CACNA2D3: variants seen among roughly 807,000 people sequenced by gnomAD.
The protein encoded by CACNA2D3 is calcium voltage-gated channel auxiliary subunit alpha2delta 3.
A neutral mutation model predicts 160.6 loss-of-function variants in CACNA2D3; 60 were observed. The ratio of observed to expected loss-of-function variants is 0.37; its 90% confidence interval spans 0.30 to 0.46. CACNA2D3 has a LOEUF of 0.46. CACNA2D3 is among the 20% of genes least tolerant of loss of function. The pLI is 1.00. For missense variants in CACNA2D3, 1,205 were observed against 1,365.0 expected (o/e 0.88, Z 1.85); for synonymous variants, 558 against 492.9 (o/e 1.13, Z -1.75).
intron 5 of CACNA2D3, among the ~76,000 whole-genome samples, chr3:54,528,956 C>T (rs961314190): frequency 6.6e-6 from 1 of 152,166 alleles, no homozygotes; most frequent in Non-Finnish European, 1.5e-5. Context: ...TTGCCTGTGT[C>T]AGGGAGAGCA....
At chr3:54,166,133 A>T (rs1700450399) in intron 2 of CACNA2D3, among the ~76,000 whole-genome samples, 1 of 152,168 alleles carries the variant, frequency 6.6e-6, no homozygotes, top group African/African-American at 2.4e-5. Context: ...CTTCACCGTG[A>T]CTATCCATGT....
chr3:54,824,747 C>T (rs1239115985), intron 14 of CACNA2D3, among the ~76,000 whole-genome samples: 1 of 152,168 alleles, frequency 6.6e-6, no homozygotes, highest in Non-Finnish European at 1.5e-5. Flanking sequence ...GCAGCACCTG[C>T]TCAGGGCCCA....
intron 2 of CACNA2D3, among the ~76,000 whole-genome samples, chr3:54,164,361 A>G (rs1700409346): frequency 6.6e-6 from 1 of 152,168 alleles, no homozygotes; most frequent in Non-Finnish European, 1.5e-5. Context: ...CTGCCGCAGG[A>G]TGGGACCAAC....
chr3:54,232,039 A>G (rs1701778611), intron 2 of CACNA2D3, among the ~76,000 whole-genome samples: 1 of 152,230 alleles, frequency 6.6e-6, no homozygotes, highest in African/African-American at 2.4e-5. Context: ...TTTCACAGGA[A>G]TGACCTCCTC....
At chr3:55,063,742 G>C (rs1704569243) in intron 35 of CACNA2D3, among the ~76,000 whole-genome samples, 1 of 152,120 alleles carries the variant, frequency 6.6e-6, no homozygotes, top group Non-Finnish European at 1.5e-5. Context: ...GATGACAGGG[G>C]CTGTGGAAAG....
At chr3:54,926,079 A>G in intron 27 of CACNA2D3, among the ~76,000 whole-genome samples, 1 of 152,266 alleles carries the variant, frequency 6.6e-6, no homozygotes, top group African/African-American at 2.4e-5. Flanking sequence ...AGTTGAACTT[A>G]CTTTGATTCA....
intron 5 of CACNA2D3, among the ~76,000 whole-genome samples, chr3:54,535,483 C>T (rs1701875449): frequency 6.6e-6 from 1 of 152,074 alleles, no homozygotes; most frequent in Non-Finnish European, 1.5e-5. Flanking sequence ...TAACAATGTT[C>T]ATGTGTCAGT....
chr3:54,494,965 C>T (rs1701180619), intron 4 of CACNA2D3, among the ~76,000 whole-genome samples: 1 of 152,174 alleles, frequency 6.6e-6, no homozygotes, highest in Admixed American at 6.5e-5. Context: ...TCAGGTCCCT[C>T]CCTCGACACC....
chr3:54,132,972 A>G (rs931422287), intron 2 of CACNA2D3, among the ~76,000 whole-genome samples: 2 of 152,190 alleles, frequency 1.3e-5, no homozygotes, highest in African/African-American at 4.8e-5. Flanking sequence ...TGGGAAGTGT[A>G]TAGAAAAGGT....
At chr3:54,729,137 T>C (rs1701334409) in intron 11 of CACNA2D3, among the ~76,000 whole-genome samples, 1 of 152,120 alleles carries the variant, frequency 6.6e-6, no homozygotes, top group Non-Finnish European at 1.5e-5. Flanking sequence ...TTCCCTATGA[T>C]CTCTAACTCC....
At chr3:54,749,073 T>A (rs1701809572) in intron 11 of CACNA2D3, among the ~76,000 whole-genome samples, 1 of 152,246 alleles carries the variant, frequency 6.6e-6, no homozygotes, top group Non-Finnish European at 1.5e-5. Context: ...AACAGAATTG[T>A]TCAGGAAGTA....
intron 17 of CACNA2D3, among the ~76,000 whole-genome samples, chr3:54,862,933 C>T (rs764168860): frequency 4.6e-5 from 7 of 152,168 alleles, no homozygotes; most frequent in Admixed American, 6.5e-5. Context: ...ATATTCAAAA[C>T]GGTCTGACGG....
intron 5 of CACNA2D3, among the ~76,000 whole-genome samples, chr3:54,543,053 T>C (rs112945602): frequency 8.5e-5 from 13 of 152,170 alleles, no homozygotes; most frequent in Non-Finnish European, 1.8e-4. Flanking sequence ...CCAGCCTTTT[T>C]CTCTTTACAT....
At chr3:54,859,686 G>C (rs1017362349) in intron 17 of CACNA2D3, among the ~76,000 whole-genome samples, 1 of 152,022 alleles carries the variant, frequency 6.6e-6, no homozygotes, top group Non-Finnish European at 1.5e-5. Context: ...AGCTAACCAA[G>C]GACAGAAATC....
At chr3:54,498,770 T>G (rs1701243250) in intron 4 of CACNA2D3, among the ~76,000 whole-genome samples, 1 of 152,050 alleles carries the variant, frequency 6.6e-6, no homozygotes, top group African/African-American at 2.4e-5. Context: ...TATTGATATG[T>G]TGTTTTCATT....
intron 3 of CACNA2D3, among the ~76,000 whole-genome samples, chr3:54,339,800 G>A (rs1319057150): frequency 6.6e-6 from 1 of 152,174 alleles, no homozygotes; most frequent in Admixed American, 6.5e-5. Flanking sequence ...ATGCACTCTA[G>A]TGGGTAGAAT....
chr3:54,728,596 TC>T (rs1701322155), intron 11 of CACNA2D3, among the ~76,000 whole-genome samples: 1 of 152,198 alleles, frequency 6.6e-6, no homozygotes, highest in Non-Finnish European at 1.5e-5. Context: ...GCCCAACAAT[TC>T]TTGATTGCTT....
chr3:55,006,269 T>C (rs542038703), intron 32 of CACNA2D3, among the ~76,000 whole-genome samples: 3 of 152,344 alleles, frequency 2.0e-5, no homozygotes, highest in South Asian at 2.1e-4. Flanking sequence ...TACTCATATA[T>C]TGAGCCAATG....
chr3:55,036,372 G>A (rs1271486751), intron 35 of CACNA2D3, among the ~76,000 whole-genome samples: 1 of 152,078 alleles, frequency 6.6e-6, no homozygotes, highest in Admixed American at 6.5e-5. Context: ...ACTTGAACCT[G>A]GGAGACGGAG....
Sources: allele counts gnomAD v4.1 joint callset (sites outside exome capture counted in the v4.1 genomes callset), GRCh38; gene constraint gnomAD v4.1.1; transcripts MANE v1.5; gene names NCBI Gene and HGNC (gene_info 2026-07-23, HGNC 2026-07-21).